Variants in DST observed in about 807,000 individuals in gnomAD.
DST encodes dystonin.
DST carries 253 observed loss-of-function variants against 875.2 expected under a neutral mutation model. That is an observed-to-expected ratio of 0.29 (90% CI 0.26 to 0.32). The LOEUF (loss-of-function observed/expected upper bound fraction) is 0.32. DST is among the 10% of genes least tolerant of loss of function. The pLI, the probability that DST is intolerant of heterozygous loss-of-function variation, is 1.00. For synonymous variants in DST, 3,124 were observed against 3,197.1 expected (o/e 0.98, Z 0.77); for missense variants, 8,287 against 9,111.6 (o/e 0.91, Z 3.68).
chr6:56,563,404 C>T (rs1379082392), intron 55 of DST, among the ~76,000 whole-genome samples: 1 of 152,158 alleles, frequency 6.6e-6, no homozygotes, highest in African/African-American at 2.4e-5. Context: ...AGTGTCTGTT[C>T]ATATCCTTCG....
chr6:56,659,378 T>C (rs1332455412), intron 10 of DST, among the ~76,000 whole-genome samples: 1 of 152,034 alleles, frequency 6.6e-6, no homozygotes, highest in Non-Finnish European at 1.5e-5. Context: ...GAGGCCAAGT[T>C]TACAGAGGGA....
At chr6:56,876,669 C>T (rs1779774301) in intron 3 of DST, among the ~76,000 whole-genome samples, 2 of 152,206 alleles carry the variant, frequency 1.3e-5, no homozygotes, top group Admixed American at 1.3e-4. Context: ...CTGAAATGTG[C>T]TTTGAAAACA....
rs201650101 is a variant in DST, at chr6:56,611,383, T to TCAAG, written c.5147+124_5147+125insCTTG. On this transcript the variant is annotated intron_variant, in intron 38 of 103. Transcript: ENST00000680361. Reference sequence around the variant, plus strand: ...AGTTGATACTCTTTACATTACTATATTAATTGTGATTAGTTTGAGTCCCAT... The same window carrying TCAAG: ...AGTTGATACTCTTTACATTACTATATCAAGTAATTGTGATTAGTTTGAGTCCCAT... 2.4e-5 allele frequency: 16 copies of TCAAG among 655,516 alleles called. No homozygotes were observed. In the Admixed American group the frequency reaches 3.3e-4, roughly 13 times the overall value. The allele number at this position is 655,516 out of a possible 1,614,324, so 40.6% of individuals were successfully genotyped here.
At chr6:56,951,922 C>A (rs564867163) in intron 2 of DST, among the ~76,000 whole-genome samples, 1 of 152,320 alleles carries the variant, frequency 6.6e-6, no homozygotes, top group African/African-American at 2.4e-5. Context: ...TTCTGCCCAA[C>A]TCTGAGTTCT....
rs869186436 is a variant in DST at position 56,934,560 on chromosome 6, T to TTTTATATATATATATATATATATA, written c.216+19224_216+19225insTATATATATATATATATATATAAA. On this transcript the variant is annotated intron_variant, in intron 2 of 103. Coordinates refer to ENST00000680361, the MANE Select transcript of DST (RefSeq NM_001374736.1). ...TAAAATATACATATTATATATTATA[T>TTTTATATATATATATATATATATA]TATATATATATATATATATATATAT... Among the ~76,000 whole-genome samples, 427 of 106,416 alleles carry TTTTATATATATATATATATATATA rather than the reference T, an allele frequency of 4.0e-3. 29 individuals are homozygous for TTTTATATATATATATATATATATA. Among genetic ancestry groups the TTTTATATATATATATATATATATA allele is most frequent in the Middle Eastern group, 0.014 (3 of 210 alleles). 69.8% of individuals were successfully genotyped at this position (106,416 alleles called of 152,430 possible).
intron 3 of DST, among the ~76,000 whole-genome samples, chr6:56,857,409 A>G (rs1207529053): frequency 6.6e-6 from 1 of 152,170 alleles, no homozygotes; most frequent in Non-Finnish European, 1.5e-5. Context: ...GGACAAAGTG[A>G]TAGTTTTGAT....
intron 5 of DST, among the ~76,000 whole-genome samples, chr6:56,727,700 T>C (rs978060548): frequency 6.6e-6 from 1 of 152,184 alleles, no homozygotes; most frequent in Non-Finnish European, 1.5e-5. Flanking sequence ...AGATAGAGTA[T>C]ATGAGGGAAT....
intron 4 of DST, 93 bp downstream of exon 4, chr6:56,851,304 G>T: frequency 8.7e-7 from 1 of 1,153,988 alleles, no homozygotes; most frequent in Non-Finnish European, 1.2e-6. Flanking sequence ...CCTGCCCAGT[G>T]CATCAGCTCC....
chr6:56,655,733 C>A (rs895761879), intron 10 of DST, among the ~76,000 whole-genome samples: 1 of 152,080 alleles, frequency 6.6e-6, no homozygotes, highest in African/African-American at 2.4e-5. Context: ...CACTGCATAC[C>A]TCACCCCCGT....
chr6:56,560,220 G>A (rs2097514982), intron 58 of DST, 74 bp downstream of exon 58: 1 of 1,348,708 alleles, frequency 7.4e-7, no homozygotes, highest in Non-Finnish European at 9.8e-7. Context: ...AATGTTTTCT[G>A]ATAAAGATCA....
chr6:56,493,321 T>C (rs559422425), intron 83 of DST, among the ~76,000 whole-genome samples: 2 of 152,238 alleles, frequency 1.3e-5, no homozygotes, highest in African/African-American at 2.4e-5. Flanking sequence ...AAAAAATTAA[T>C]ATACGCTAAA....
rs1397028886 is a variant in DST at position 56,572,191 on chromosome 6, G to A, written c.13630C>T (p.His4544Tyr). ...LHSLLKEISSHGLPSDKALVL... is the reference protein window; with the variant it reads ...LHSLLKEISSYGLPSDKALVL... ...AAAGCCTTATCACTTGGTAAGCCAT[G>A]GCTGGATATCTCCTTCAAGAGACTA... Residue 4544 changes from histidine to tyrosine, a missense_variant, in exon 53 of 104, where the codon CAT becomes TAT. Physicochemically the swap from His to Tyr is moderately conservative, Grantham distance 83. This residue lies in a region of DST where 1,513 missense variants were observed against 1,677.8 expected (regional missense o/e 0.90). Transcript: ENST00000680361. 1 of 1,566,452 alleles carries A rather than the reference G, an allele frequency of 6.4e-7. No homozygotes were observed. The highest frequency in any genetic ancestry group is 1.2e-5 in the South Asian group (1 of 82,658).
At chr6:56,528,439 T>C (rs2096839128) in intron 67 of DST, among the ~76,000 whole-genome samples, 1 of 152,202 alleles carries the variant, frequency 6.6e-6, no homozygotes, top group Non-Finnish European at 1.5e-5. Flanking sequence ...CATGAAGAAA[T>C]GAAGCCCATG....
intron 33 of DST, among the ~76,000 whole-genome samples, chr6:56,627,752 T>C (rs1158808011): frequency 6.6e-6 from 1 of 152,146 alleles, no homozygotes; most frequent in Non-Finnish European, 1.5e-5. Context: ...AAATTATCAT[T>C]AGGAATTTGA....
Position 56,568,509 on chromosome 6 carries a change from A to T in DST, c.13965T>A (p.Ala4655=), listed in dbSNP as rs2097720917. ...SGISLCNLIS[A]VTTPAKAIAA... ...CTATTGCCTTTGCAGGGGTGGTCAC[A>T]GCACTTATTAAGTTACATAGTGAGA... Residue 4655 remains alanine (A), a synonymous_variant, in exon 55 of 104, where the codon GCT becomes GCA. Transcript: ENST00000680361. 4 of 1,612,238 alleles carry T rather than the reference A, an allele frequency of 2.5e-6. No homozygotes were observed. The highest frequency in any genetic ancestry group is 2.5e-6 in the Non-Finnish European group (3 of 1,179,338).
Position 56,460,115 on chromosome 6 carries a change from A to C in DST, c.23194+16T>G. ...TGCTGCAAAAGCCATTGAAAAAAGA[A>C]AGGCACCACACTCACCAGCAAACTG... On this transcript the variant is annotated intron_variant, in intron 103 of 103. Transcript: ENST00000680361. The C allele has an allele frequency of 6.3e-7, 1 of 1,581,440 alleles. No homozygotes were observed. Among genetic ancestry groups the C allele is most frequent in the South Asian group, 1.2e-5 (1 of 86,192 alleles).
intron 4 of DST, among the ~76,000 whole-genome samples, chr6:56,842,726 G>A (rs2099801810): frequency 6.6e-6 from 1 of 151,938 alleles, no homozygotes; most frequent in African/African-American, 2.4e-5. Context: ...GAGAATAATC[G>A]GTATCCACCC....
intron 3 of DST, among the ~76,000 whole-genome samples, chr6:56,876,455 T>C (rs770880161): frequency 1.3e-5 from 2 of 152,138 alleles, no homozygotes; most frequent in Non-Finnish European, 2.9e-5. Flanking sequence ...GCTCTCTCAC[T>C]CCTCTTCAAG....
At chr6:56,587,380 G>C (rs371791427) in intron 49 of DST, among the ~76,000 whole-genome samples, 1 of 152,176 alleles carries the variant, frequency 6.6e-6, no homozygotes, top group African/African-American at 2.4e-5. Flanking sequence ...AAAAAGAAAC[G>C]AACAAAGCCT....
Sources: allele counts gnomAD v4.1 joint callset (sites outside exome capture counted in the v4.1 genomes callset), GRCh38; gene constraint gnomAD v4.1.1; regional missense constraint gnomAD v4.1.1; transcripts MANE v1.5; gene names NCBI Gene and HGNC (gene_info 2026-07-23, HGNC 2026-07-21).